Variants in TRIM9 observed in about 807,000 individuals in gnomAD.
The protein encoded by TRIM9 is tripartite motif containing 9.
TRIM9 carries 26 observed loss-of-function variants against 78.3 expected under a neutral mutation model. The ratio of observed to expected loss-of-function variants is 0.33; its 90% confidence interval spans 0.24 to 0.46. The LOEUF (loss-of-function observed/expected upper bound fraction) is 0.46. Among genes scored for constraint, TRIM9 ranks in the 20% least tolerant of loss-of-function variants. The pLI is 1.00. For missense variants in TRIM9, 787 were observed against 1,036.4 expected (o/e 0.76, Z 3.30); for synonymous variants, 398 against 416.5 (o/e 0.96, Z 0.54).
intron 1 of TRIM9, among the ~76,000 whole-genome samples, chr14:51,084,371 A>C (rs1308753893): frequency 6.6e-6 from 1 of 152,214 alleles, no homozygotes; most frequent in Non-Finnish European, 1.5e-5. Flanking sequence ...TTAATACTGA[A>C]TAATGTTTTA....
chr14:51,078,675 T>C (rs1457892050), intron 1 of TRIM9, among the ~76,000 whole-genome samples: 1 of 152,186 alleles, frequency 6.6e-6, no homozygotes, highest in African/African-American at 2.4e-5. Context: ...TATTTTAAAG[T>C]ATTACTTACG....
At chr14:51,009,266 A>G (rs759241180) in intron 4 of TRIM9, 33 bp from the exon 5 acceptor site, 2 of 1,612,334 alleles carry the variant, frequency 1.2e-6, no homozygotes, top group South Asian at 1.1e-5. Flanking sequence ...AGCCTAAGAA[A>G]TACACCACCA....
Position 50,977,266 on chromosome 14 carries a change from C to A in TRIM9, c.*25G>T. On this transcript the variant is annotated 3_prime_UTR_variant, in exon 13 of 13. Coordinates refer to ENST00000684578, the MANE Select transcript of TRIM9 (RefSeq NM_001387360.1). The stretch of plus-strand genomic sequence containing the variant: ...TCTCGCAGGCGGAGGTAAGAACAGG[C>A]AGCTGGCGCCTCCACGGCACATCCT... 1 of 1,454,238 alleles carries A rather than the reference C, an allele frequency of 6.9e-7. No homozygotes were observed. The allele number at this position is 1,454,238 out of a possible 1,614,324, so 90.1% of individuals were successfully genotyped here.
At chr14:50,978,210 T>C (rs1402679881) in intron 12 of TRIM9, among the ~76,000 whole-genome samples, 1 of 152,170 alleles carries the variant, frequency 6.6e-6, no homozygotes, top group Non-Finnish European at 1.5e-5. Context: ...AACACAACAA[T>C]GAATTTTGAT....
intron 3 of TRIM9, among the ~76,000 whole-genome samples, chr14:51,019,534 G>T (rs547897433): frequency 6.6e-5 from 10 of 152,152 alleles, no homozygotes; most frequent in African/African-American, 2.4e-4. Context: ...TGCCACTAAA[G>T]AATCTCCCAG....
chr14:50,991,055 T>C (rs1321910958), intron 7 of TRIM9, among the ~76,000 whole-genome samples: 2 of 152,238 alleles, frequency 1.3e-5, no homozygotes, highest in African/African-American at 4.8e-5. Context: ...GAAAACCTTC[T>C]TTTAGAAGAA....
At chr14:51,025,958 G>A (rs568525057) in intron 1 of TRIM9, among the ~76,000 whole-genome samples, 17 of 152,178 alleles carry the variant, frequency 1.1e-4, no homozygotes, top group African/African-American at 3.6e-4. Context: ...ACTAGCCTCC[G>A]ACACCAAGGC....
chr14:51,059,108 G>T (rs1444015299), intron 1 of TRIM9, among the ~76,000 whole-genome samples: 1 of 152,168 alleles, frequency 6.6e-6, no homozygotes, highest in Admixed American at 6.5e-5. Context: ...GAGCTTCCCT[G>T]CTTTGCCCAC....
intron 5 of TRIM9, among the ~76,000 whole-genome samples, chr14:51,008,382 C>A (rs769222939): frequency 2.0e-5 from 3 of 152,152 alleles, no homozygotes; most frequent in Non-Finnish European, 2.9e-5. Flanking sequence ...TTTGTAACTT[C>A]TTGTGTATTT....
chr14:51,017,098 TCCAAGAGTAGAACATTATCTA>T (rs1303410833), intron 3 of TRIM9, among the ~76,000 whole-genome samples: 1 of 152,222 alleles, frequency 6.6e-6, no homozygotes, highest in African/African-American at 2.4e-5. Flanking sequence ...TCTTGTTTTT[TCCAAGAGTAGAACATTATCTA>T]CCATTTCATT....
At chr14:50,987,204 G>A (rs1411497116) in intron 7 of TRIM9, among the ~76,000 whole-genome samples, 1 of 152,170 alleles carries the variant, frequency 6.6e-6, no homozygotes, top group Admixed American at 6.5e-5. Flanking sequence ...GTGACCAGAG[G>A]GTATTTCCGT....
chr14:51,019,317 C>T (rs913215637), intron 3 of TRIM9, among the ~76,000 whole-genome samples: 2 of 152,228 alleles, frequency 1.3e-5, no homozygotes, highest in African/African-American at 4.8e-5. Context: ...AGCTTTCTGA[C>T]ATTCGCATTA....
chr14:50,988,445 G>C (rs552508445), intron 7 of TRIM9: 1 of 152,196 alleles, frequency 6.6e-6, no homozygotes, highest in South Asian at 2.1e-4. Flanking sequence ...TAGTAACTTG[G>C]CATTAAGATG....
chr14:51,003,206 A>G (rs1303271285), intron 5 of TRIM9, among the ~76,000 whole-genome samples: 1 of 152,128 alleles, frequency 6.6e-6, no homozygotes, highest in East Asian at 1.9e-4. Flanking sequence ...CTTTATTAAA[A>G]TACATTTTTA....
rs185597930 is a variant in TRIM9 at position 51,030,583 on chromosome 14, T to A, written c.823-5223A>T. 3.3e-3 allele frequency among the ~76,000 whole-genome samples: 494 copies of A among 150,988 alleles called. 1 individual carries two copies. Among genetic ancestry groups the A allele is most frequent in the Non-Finnish European group, 5.0e-3 (336 of 67,470 alleles). On this transcript the variant is annotated intron_variant, in intron 1 of 12. Transcript: ENST00000684578. ...ATGTGTGTGTGTGTATGAGTGTGCA[T>A]ATGGTGTGTGTGTGTATGAGTGTGC...
intron 3 of TRIM9, among the ~76,000 whole-genome samples, chr14:51,018,265 G>A (rs762503780): frequency 6.6e-6 from 1 of 151,714 alleles, no homozygotes; most frequent in Non-Finnish European, 1.5e-5. Context: ...TGTGAGCTGG[G>A]ATGGCCTGCC....
At chr14:51,042,525 A>G (rs2059652042) in intron 1 of TRIM9, among the ~76,000 whole-genome samples, 1 of 152,256 alleles carries the variant, frequency 6.6e-6, no homozygotes, top group Non-Finnish European at 1.5e-5. Flanking sequence ...TAGTTAAAGA[A>G]GTAATTTTCA....
At chr14:51,005,964 T>G (rs2055740163) in intron 5 of TRIM9, among the ~76,000 whole-genome samples, 1 of 152,366 alleles carries the variant, frequency 6.6e-6, no homozygotes. Flanking sequence ...GCAGCTGGTC[T>G]GAGTGAAAAT....
chr14:51,076,077 G>A (rs1408697153), intron 1 of TRIM9, among the ~76,000 whole-genome samples: 1 of 152,002 alleles, frequency 6.6e-6, no homozygotes, highest in Non-Finnish European at 1.5e-5. Context: ...GCAAATGCTG[G>A]GCAACTTTTC....
Sources: allele counts gnomAD v4.1 joint callset (sites outside exome capture counted in the v4.1 genomes callset), GRCh38; gene constraint gnomAD v4.1.1; transcripts MANE v1.5; gene names NCBI Gene and HGNC (gene_info 2026-07-23, HGNC 2026-07-21).